Variants in SLC30A9 observed in about 807,000 individuals in gnomAD.
SLC30A9 encodes proton-coupled zinc antiporter SLC30A9, mitochondrial.
In SLC30A9, 58 loss-of-function variants were observed where a neutral mutation model predicts 87.5. The ratio of observed to expected loss-of-function variants is 0.66; its 90% confidence interval spans 0.54 to 0.82. The LOEUF (loss-of-function observed/expected upper bound fraction) is 0.82, where lower values mean the gene tolerates loss of function less well. SLC30A9 is among the 40% of genes least tolerant of loss of function. The pLI is 0.00. For missense variants in SLC30A9, 557 were observed against 679.1 expected (o/e 0.82, Z 2.00); for synonymous variants, 234 against 233.0 (o/e 1.00, Z -0.04).
intron 15 of SLC30A9, among the ~76,000 whole-genome samples, chr4:42,072,373 C>A (rs1306954246): frequency 6.6e-6 from 1 of 151,608 alleles, no homozygotes; most frequent in Non-Finnish European, 1.5e-5. Context: ...GATGTTTCTT[C>A]TTTTTTAAAA....
intron 17 of SLC30A9, among the ~76,000 whole-genome samples, chr4:42,083,055 C>T (rs532943852): frequency 6.6e-6 from 1 of 152,050 alleles, no homozygotes; most frequent in Non-Finnish European, 1.5e-5. Flanking sequence ...AAACCTTTCT[C>T]CTATCCCTCC....
chr4:41,990,872 A>G, intron 1 of SLC30A9, 112 bp downstream of exon 1: 1 of 760,828 alleles, frequency 1.3e-6, no homozygotes, highest in Non-Finnish European at 2.2e-6. Flanking sequence ...CAACCTCAGA[A>G]CCTTCCTTTC....
At chr4:42,074,985 A>G (rs1577723099) in intron 15 of SLC30A9, among the ~76,000 whole-genome samples, 1 of 137,624 alleles carries the variant, frequency 7.3e-6, no homozygotes, top group Non-Finnish European at 1.5e-5. Flanking sequence ...TTATGAGATA[A>G]CATGACATTT....
In SLC30A9 at chr4:42,089,745, C is replaced by T. The variant is rs1719037603; in HGVS notation, c.*3619C>T. On this transcript the variant is annotated 3_prime_UTR_variant, in exon 18 of 18. Coordinates refer to ENST00000264451, the MANE Select transcript of SLC30A9 (RefSeq NM_006345.4). Reference sequence around the variant, plus strand: ...GTTTTTAAGTGGAGTATCCTGGGGGCCTATAGTATCCAACTCCAAAGAGGT... The same window carrying T: ...GTTTTTAAGTGGAGTATCCTGGGGGTCTATAGTATCCAACTCCAAAGAGGT... 1 of 152,020 alleles carries T rather than the reference C, an allele frequency of 6.6e-6. No individual in the cohort carries two copies. The highest frequency in any genetic ancestry group is 2.4e-5 in the African/African-American group (1 of 41,356). 9.4% of individuals were successfully genotyped at this position (152,020 alleles called of 1,614,324 possible). A position where few individuals can be genotyped will look rare whatever the true frequency, so the allele number is the denominator to read the frequency against.
At chr4:41,991,530 G>A (rs969797486) in intron 1 of SLC30A9, among the ~76,000 whole-genome samples, 9 of 152,190 alleles carry the variant, frequency 5.9e-5, no homozygotes, top group African/African-American at 2.2e-4. Flanking sequence ...GCTTGACACT[G>A]AGAACTGATA....
At chr4:42,024,974 A>T (rs1716124676) in intron 6 of SLC30A9, among the ~76,000 whole-genome samples, 1 of 152,224 alleles carries the variant, frequency 6.6e-6, no homozygotes, top group Non-Finnish European at 1.5e-5. Flanking sequence ...TATGTTCTAA[A>T]TATTTTCTAA....
rs527365570 is a variant in SLC30A9, at chr4:42,087,604, T to C, written c.*1478T>C. ...ACGTTGGTGTATTTTTCTTTTTTTTTTTTTTACTATTACAGAGTATTTTGC... is the reference window on the plus strand; with the variant it reads ...ACGTTGGTGTATTTTTCTTTTTTTTCTTTTTACTATTACAGAGTATTTTGC... On this transcript the variant is annotated 3_prime_UTR_variant, in exon 18 of 18. Transcript: ENST00000264451. The C allele has an allele frequency of 1.3e-5, 2 of 151,758 alleles. No individual in the cohort carries two copies. The highest frequency in any genetic ancestry group is 2.9e-5 in the Non-Finnish European group (2 of 67,928). 9.4% of individuals were successfully genotyped at this position (151,758 alleles called of 1,614,324 possible).
chr4:42,001,518 C>T, intron 1 of SLC30A9, 98 bp from the exon 2 acceptor site: 1 of 581,068 alleles, frequency 1.7e-6, no homozygotes, highest in Non-Finnish European at 2.9e-6. Context: ...TCATGTGTAC[C>T]TAGAAGCAGT....
chr4:41,996,039 A>T (rs944227178), intron 1 of SLC30A9, among the ~76,000 whole-genome samples: 1 of 151,924 alleles, frequency 6.6e-6, no homozygotes, highest in Non-Finnish European at 1.5e-5. Flanking sequence ...AGCAGAAAGA[A>T]ACCTGTTGTG....
At chr4:42,085,567 C>T (rs918287591) in intron 17 of SLC30A9, among the ~76,000 whole-genome samples, 1 of 152,182 alleles carries the variant, frequency 6.6e-6, no homozygotes, top group African/African-American at 2.4e-5. Context: ...AGCTCTAATA[C>T]TTTAACTTGT....
intron 8 of SLC30A9, among the ~76,000 whole-genome samples, chr4:42,044,983 G>T (rs947295235): frequency 6.6e-6 from 1 of 152,074 alleles, no homozygotes; most frequent in African/African-American, 2.4e-5. Flanking sequence ...ACTAAATTAA[G>T]GCAGAAATAA....
At chr4:42,072,900 G>A (rs549197877) in intron 15 of SLC30A9, among the ~76,000 whole-genome samples, 5 of 147,076 alleles carry the variant, frequency 3.4e-5, no homozygotes, top group Non-Finnish European at 5.9e-5. Flanking sequence ...TGGAACCTCC[G>A]CCTCCCAGAT....
intron 1 of SLC30A9, among the ~76,000 whole-genome samples, chr4:41,993,773 G>T (rs1714563770): frequency 6.6e-6 from 1 of 152,144 alleles, no homozygotes; most frequent in Admixed American, 6.5e-5. Flanking sequence ...TAATAAATTG[G>T]TAGTTCATAG....
chr4:42,023,263 T>C (rs1430631446), intron 5 of SLC30A9, 39 bp from the exon 6 acceptor site: 1 of 1,324,394 alleles, frequency 7.6e-7, no homozygotes, highest in Non-Finnish European at 1.1e-6. Flanking sequence ...ATAAAGTCAT[T>C]AAAATTGTTC....
At chr4:42,009,126 A>G (rs973691561) in intron 2 of SLC30A9, among the ~76,000 whole-genome samples, 7 of 152,228 alleles carry the variant, frequency 4.6e-5, no homozygotes, top group Non-Finnish European at 8.8e-5. Context: ...ACCATTCAGA[A>G]TCTTTCAAAT....
chr4:42,025,867 G>A (rs1453223959), intron 6 of SLC30A9, among the ~76,000 whole-genome samples: 2 of 151,944 alleles, frequency 1.3e-5, no homozygotes, highest in South Asian at 2.1e-4. Flanking sequence ...GGGTTTCACC[G>A]TGGTCTCGAT....
intron 17 of SLC30A9, among the ~76,000 whole-genome samples, chr4:42,079,480 G>A (rs1718676776): frequency 6.6e-6 from 1 of 151,936 alleles, no homozygotes; most frequent in African/African-American, 2.4e-5. Flanking sequence ...TTTTAGCAGA[G>A]ATGAGGTTTC....
At chr4:42,037,834 G>A (rs377262481) in intron 7 of SLC30A9, among the ~76,000 whole-genome samples, 3 of 151,790 alleles carry the variant, frequency 2.0e-5, no homozygotes, top group East Asian at 1.9e-4. Flanking sequence ...TGTTGCCCAC[G>A]ATCTCAGCTC....
intron 16 of SLC30A9, among the ~76,000 whole-genome samples, chr4:42,076,778 A>T (rs192190005): frequency 1.0e-3 from 158 of 152,230 alleles, no homozygotes; most frequent in African/African-American, 3.6e-3. Flanking sequence ...CCTGGCCCAC[A>T]TGGTGAAAAC....
Sources: gnomAD v4.1 joint callset for allele counts (sites outside exome capture counted in the v4.1 genomes callset) on GRCh38, gnomAD v4.1.1 for gene constraint, MANE v1.5 for transcripts, NCBI Gene and HGNC (gene_info 2026-07-23, HGNC 2026-07-21) for gene names.